The following EIF3K variants were observed in gnomAD, a reference collection of about 807,000 sequenced individuals.
EIF3K encodes eIF-3 p28.
In EIF3K, 27 loss-of-function variants were observed where a neutral mutation model predicts 34.2. That is an observed-to-expected ratio of 0.79 (90% CI 0.58 to 1.09). EIF3K has a LOEUF of 1.09. Among genes scored for constraint, EIF3K ranks in the 50% least tolerant of loss-of-function variants. The pLI, the probability that EIF3K is intolerant of heterozygous loss-of-function variation, is 0.00. For missense variants in EIF3K, 232 were observed against 275.4 expected (o/e 0.84, Z 1.11); for synonymous variants, 105 against 105.7 (o/e 0.99, Z 0.04).
At chr19:38,627,710 G>T (rs1463276390) in intron 4 of EIF3K, among the ~76,000 whole-genome samples, 1 of 150,616 alleles carries the variant, frequency 6.6e-6, no homozygotes, top group East Asian at 2.0e-4. Context: ...TCTCACTGGC[G>T]CTCTCTACCA....
At chr19:38,635,174 A>C (rs1379678755) in intron 7 of EIF3K, 56 bp downstream of exon 7, 1 of 1,611,156 alleles carries the variant, frequency 6.2e-7, no homozygotes, top group African/African-American at 1.3e-5. Flanking sequence ...CCCTCAAGGG[A>C]GGCCGAGGCA....
At chr19:38,620,609 A>G (rs1975818206) in intron 2 of EIF3K, among the ~76,000 whole-genome samples, 174 bp downstream of exon 2, 1 of 152,030 alleles carries the variant, frequency 6.6e-6, no homozygotes, top group Non-Finnish European at 1.5e-5. Context: ...TTGAAAAATC[A>G]ATTGCCGGGC....
chr19:38,626,495 T>C (rs1298064984), intron 4 of EIF3K, among the ~76,000 whole-genome samples: 3 of 152,020 alleles, frequency 2.0e-5, no homozygotes, highest in South Asian at 4.1e-4. Context: ...CTCTACAAAA[T>C]TGAAAATTAA....
intron 3 of EIF3K, 39 bp downstream of exon 3, chr19:38,624,236 G>T (rs1366534187): frequency 1.2e-6 from 2 of 1,612,904 alleles, no homozygotes; most frequent in African/African-American, 1.3e-5. Flanking sequence ...TGTGTGGGAA[G>T]GGGTCAGAGT....
At chr19:38,625,656 C>T (rs531814346) in intron 3 of EIF3K, among the ~76,000 whole-genome samples, 3 of 151,578 alleles carry the variant, frequency 2.0e-5, no homozygotes, top group Non-Finnish European at 2.9e-5. Flanking sequence ...ACTATAGGCA[C>T]GTGCCACCAC....
At chr19:38,629,729 T>C (rs1317786844) in intron 4 of EIF3K, among the ~76,000 whole-genome samples, 1 of 152,090 alleles carries the variant, frequency 6.6e-6, no homozygotes, top group Non-Finnish European at 1.5e-5. Context: ...GTGAGGGTGG[T>C]AGCCATGGAG....
chr19:38,622,247 CG>C (rs909629394), intron 2 of EIF3K, among the ~76,000 whole-genome samples: 1 of 149,944 alleles, frequency 6.7e-6, no homozygotes, highest in African/African-American at 2.5e-5. Flanking sequence ...CTGTACGTAT[CG>C]GGGGGCCTGC....
intron 6 of EIF3K, among the ~76,000 whole-genome samples, chr19:38,633,950 C>T (rs1976129412): frequency 6.7e-6 from 1 of 150,346 alleles, no homozygotes; most frequent in Non-Finnish European, 1.5e-5. Context: ...CCACTCTGGG[C>T]ACTTTTAGTA....
At chr19:38,629,267 G>GTTTGTTTTGTTTTGT (rs3033331) in intron 4 of EIF3K, among the ~76,000 whole-genome samples, 74 of 148,944 alleles carry the variant, frequency 5.0e-4, no homozygotes, top group African/African-American at 1.5e-3. Context: ...TTTTTTGTTT[G>GTTTGTTTTGTTTTGT]TTTGTTTTGT....
rs149062652 is a variant in EIF3K at position 38,620,417 on chromosome 19, A to G, written c.140A>G (p.Asn47Ser). Residue 47 changes from asparagine to serine, a missense_variant, in exon 2 of 8, where the codon AAC becomes AGC. Coordinates refer to ENST00000248342, the MANE Select transcript of EIF3K (RefSeq NM_013234.4). Reference sequence around the variant, plus strand: ...GAAAATGCCTATGATCTGGAAGCCAACCTGGCTGTCCTGAAGCTGTAAGTG... The same window carrying G: ...GAAAATGCCTATGATCTGGAAGCCAGCCTGGCTGTCCTGAAGCTGTAAGTG... Reference protein sequence around the residue: ...AKENAYDLEANLAVLKLYQFN... With the variant: ...AKENAYDLEASLAVLKLYQFN... The G allele has an allele frequency of 2.0e-5, 33 of 1,613,724 alleles. No individual in the cohort carries two copies. The highest frequency in any genetic ancestry group is 1.2e-4 in the African/African-American group (9 of 74,892).
At position 38,624,198 on chromosome 19, in the gene EIF3K, G is replaced by A. The variant is rs776669619; in HGVS notation, c.279+1G>A. On this transcript the variant is annotated splice_donor_variant, in intron 3 of 7. Transcript: ENST00000248342. LOFTEE classifies it high-confidence loss of function. ...CAAGTGCATGATCGACCAGGCACAT[G>A]TATCCTTCCAGCACTGGGGCCGGGG... 4 of 1,614,120 alleles carry A rather than the reference G, an allele frequency of 2.5e-6. No individual in the cohort carries two copies. Among genetic ancestry groups the A allele is most frequent in the Non-Finnish European group, 1.7e-6 (2 of 1,179,984 alleles).
chr19:38,621,775 T>C (rs1048342913), intron 2 of EIF3K, among the ~76,000 whole-genome samples: 1 of 152,180 alleles, frequency 6.6e-6, no homozygotes, highest in African/African-American at 2.4e-5. Context: ...TGTTTTTTGT[T>C]TTTTTGTTTT....
chr19:38,620,460 A>C lies in EIF3K; in HGVS notation c.158+25A>C, dbSNP rs767875400. 5 of 1,603,544 alleles carry C rather than the reference A, an allele frequency of 3.1e-6. No individual in the cohort carries two copies. The Admixed American group carries it at 8.4e-5, about 27-fold the overall frequency. Reference sequence around the variant, plus strand: ...TGTAAGTGTCTAGCTCTCTGTCTACACTCCCATTGCAGCAACTAGCAGGGT... The same window carrying C: ...TGTAAGTGTCTAGCTCTCTGTCTACCCTCCCATTGCAGCAACTAGCAGGGT... On this transcript the variant is annotated intron_variant, in intron 2 of 7. Transcript: ENST00000248342.
intron 2 of EIF3K, among the ~76,000 whole-genome samples, chr19:38,622,575 A>C (rs1043043815): frequency 3.3e-5 from 5 of 152,264 alleles, no homozygotes; most frequent in Admixed American, 6.5e-5. Context: ...AAAATTGCTA[A>C]TGAAGTTTTG....
intron 4 of EIF3K, among the ~76,000 whole-genome samples, chr19:38,629,267 G>GTTTGTTTGT (rs1976010930): frequency 1.3e-5 from 2 of 148,832 alleles, no homozygotes; most frequent in South Asian, 2.2e-4. Flanking sequence ...TTTTTTGTTT[G>GTTTGTTTGT]TTTGTTTTGT....
intron 4 of EIF3K, chr19:38,632,221 G>A (rs1435844767): frequency 3.7e-6 from 2 of 543,336 alleles, no homozygotes; most frequent in Non-Finnish European, 6.5e-6. Flanking sequence ...TTTGAGATCA[G>A]CCTGGGCAAT....
chr19:38,625,846 G>A (rs1975938779), intron 3 of EIF3K, among the ~76,000 whole-genome samples, 182 bp from the exon 4 acceptor site: 1 of 152,160 alleles, frequency 6.6e-6, no homozygotes, highest in Non-Finnish European at 1.5e-5. Flanking sequence ...AAACAGTCCT[G>A]CAGCCAACAT....
intron 2 of EIF3K, among the ~76,000 whole-genome samples, chr19:38,623,147 T>C (rs1975879461): frequency 6.6e-6 from 1 of 152,214 alleles, no homozygotes; most frequent in African/African-American, 2.4e-5. Flanking sequence ...GTCCATGAAA[T>C]CTTTACAATT....
intron 7 of EIF3K, 192 bp downstream of exon 7, chr19:38,635,310 T>G: frequency 1.3e-6 from 1 of 761,842 alleles, no homozygotes; most frequent in South Asian, 1.8e-5. Context: ...TGGGTGATCT[T>G]CCCTGGAACT....
Sources: gnomAD v4.1 joint callset for allele counts (sites outside exome capture counted in the v4.1 genomes callset) on GRCh38, gnomAD v4.1.1 for gene constraint, MANE v1.5 for transcripts, NCBI Gene and HGNC (gene_info 2026-07-23, HGNC 2026-07-21) for gene names.